Variants in NKAIN2 observed in about 807,000 individuals in gnomAD.
NKAIN2 encodes the protein sodium/potassium transporting ATPase interacting 2, also known as sodium/potassium-transporting ATPase subunit beta-1-interacting protein 2.
A neutral mutation model predicts 32.6 loss-of-function variants in NKAIN2; 14 were observed. The observed-to-expected ratio is 0.43, with a 90% CI of 0.28 to 0.67. The LOEUF is 0.67. Among genes scored for constraint, NKAIN2 ranks in the 30% least tolerant of loss-of-function variants. The pLI is 0.17. For missense variants in NKAIN2, 198 were observed against 258.3 expected (o/e 0.77, Z 1.60); for synonymous variants, 80 against 87.2 (o/e 0.92, Z 0.46).
chr6:123,804,855 A>G (rs1773150137), intron 1 of NKAIN2, among the ~76,000 whole-genome samples: 1 of 152,220 alleles, frequency 6.6e-6, no homozygotes, highest in Non-Finnish European at 1.5e-5. Context: ...TGAACTCAGC[A>G]ACACCATTGT....
rs540280610 is a variant in NKAIN2, at chr6:124,621,183, TC to T, written c.274-37001del. 3.3e-4 allele frequency among the ~76,000 whole-genome samples: 50 copies of T among 152,280 alleles called. 1 individual carries two copies. The South Asian group carries it at 9.1e-3, about 28-fold the overall frequency. On this transcript the variant is annotated intron_variant, in intron 3 of 6. Coordinates refer to ENST00000368417, the MANE Select transcript of NKAIN2 (RefSeq NM_001040214.3). Reference sequence around the variant, plus strand: ...GCTGTTTAGGTAATTCTAACATGTATCCAAGGTAGAAAAACCACTACTCTAA... The same window carrying T: ...GCTGTTTAGGTAATTCTAACATGTATCAAGGTAGAAAAACCACTACTCTAA...
chr6:124,293,699 A>C (rs2114954996), intron 2 of NKAIN2, among the ~76,000 whole-genome samples: 1 of 152,166 alleles, frequency 6.6e-6, no homozygotes, highest in East Asian at 1.9e-4. Flanking sequence ...TCATAGTTTT[A>C]TTTCAAATTC....
rs192924795 is a variant in NKAIN2 at position 124,414,065 on chromosome 6, A to G, written c.273+58718A>G. 1.4e-3 allele frequency among the ~76,000 whole-genome samples: 218 copies of G among 152,054 alleles called. 1 individual carries two copies. Among genetic ancestry groups the G allele is most frequent in the Non-Finnish European group, 5.6e-4 (38 of 67,960 alleles). On this transcript the variant is annotated intron_variant, in intron 3 of 6. Coordinates refer to ENST00000368417, the MANE Select transcript of NKAIN2 (RefSeq NM_001040214.3). ...TTGCACTAATTAGAACCTCAGTACA[A>G]TGCTGAATAAGAATGCTGAGAGTAG...
intron 3 of NKAIN2, among the ~76,000 whole-genome samples, chr6:124,650,740 C>A (rs1784340353): frequency 6.6e-6 from 1 of 152,152 alleles, no homozygotes; most frequent in African/African-American, 2.4e-5. Flanking sequence ...GTATTAAATT[C>A]ACATGCTTTT....
chr6:124,812,762 G>GC (rs1342136065), intron 5 of NKAIN2, among the ~76,000 whole-genome samples: 2 of 151,164 alleles, frequency 1.3e-5, no homozygotes, highest in Non-Finnish European at 3.0e-5. Context: ...GCAGCAATAT[G>GC]CCCCTGGCAA....
chr6:124,351,238 G>A (rs949879701), intron 2 of NKAIN2, among the ~76,000 whole-genome samples: 19 of 152,040 alleles, frequency 1.2e-4, no homozygotes, highest in Admixed American at 2.0e-4. Context: ...CAATATGATG[G>A]AACAATGTTT....
intron 6 of NKAIN2, among the ~76,000 whole-genome samples, chr6:124,821,266 G>A (rs1781383758): frequency 6.6e-6 from 1 of 150,732 alleles, no homozygotes; most frequent in African/African-American, 2.4e-5. Context: ...CTGCACTCCA[G>A]CCTGGTTAAC....
intron 1 of NKAIN2, among the ~76,000 whole-genome samples, chr6:123,881,602 A>G (rs765906643): frequency 3.9e-5 from 6 of 152,264 alleles, no homozygotes; most frequent in East Asian, 1.9e-4. Context: ...TTCTTAAGGA[A>G]CTGTTTTTAG....
chr6:124,202,028 A>G (rs1192950942), intron 1 of NKAIN2, among the ~76,000 whole-genome samples: 1 of 151,968 alleles, frequency 6.6e-6, no homozygotes, highest in Non-Finnish European at 1.5e-5. Context: ...GACTACCTGT[A>G]AAAGATATCT....
At chr6:124,793,848 C>T (rs1354209587) in intron 5 of NKAIN2, among the ~76,000 whole-genome samples, 1 of 152,022 alleles carries the variant, frequency 6.6e-6, no homozygotes, top group Non-Finnish European at 1.5e-5. Context: ...AGGCCAGATA[C>T]AGATCAAAGA....
intron 1 of NKAIN2, among the ~76,000 whole-genome samples, chr6:123,984,017 C>T: frequency 6.6e-6 from 1 of 152,130 alleles, no homozygotes; most frequent in East Asian, 1.9e-4. Flanking sequence ...AAGCGGTTCT[C>T]CTGCCTCAGC....
intron 1 of NKAIN2, among the ~76,000 whole-genome samples, chr6:124,149,303 A>AT (rs910905086): frequency 1.3e-5 from 2 of 151,984 alleles, no homozygotes; most frequent in African/African-American, 4.8e-5. Context: ...AATTTTATCC[A>AT]TTTTTTTCTT....
intron 1 of NKAIN2, among the ~76,000 whole-genome samples, chr6:123,902,452 GTA>G (rs1392411284): frequency 6.6e-6 from 1 of 152,124 alleles, no homozygotes; most frequent in Non-Finnish European, 1.5e-5. Flanking sequence ...AGCTACTTCA[GTA>G]TCTACATGTT....
chr6:124,382,453 T>C (rs528301050), intron 3 of NKAIN2, among the ~76,000 whole-genome samples: 3 of 152,334 alleles, frequency 2.0e-5, no homozygotes, highest in East Asian at 3.9e-4. Context: ...CTGTGTAATG[T>C]GTTCCTGGAT....
At chr6:124,601,786 G>C (rs922608878) in intron 3 of NKAIN2, among the ~76,000 whole-genome samples, 1 of 151,952 alleles carries the variant, frequency 6.6e-6, no homozygotes, top group Non-Finnish European at 1.5e-5. Context: ...TGATTCCTGG[G>C]TTGTAGAATT....
intron 1 of NKAIN2, among the ~76,000 whole-genome samples, chr6:124,146,313 A>G (rs887685292): frequency 3.9e-5 from 6 of 152,224 alleles, no homozygotes; most frequent in Non-Finnish European, 7.3e-5. Flanking sequence ...ATTAGAAAAA[A>G]TAATTTACTA....
chr6:123,806,204 C>T lies in NKAIN2; in HGVS notation c.54+1950C>T, dbSNP rs115111387. Reference sequence around the variant, plus strand: ...AAATTCTGAATTATAATTAAGTTCTCTAACAGAATAGACGTAGCTGTAATA... The same window carrying T: ...AAATTCTGAATTATAATTAAGTTCTTTAACAGAATAGACGTAGCTGTAATA... On this transcript the variant is annotated intron_variant, in intron 1 of 6. Transcript: ENST00000368417. Among the ~76,000 whole-genome samples, 994 of 152,200 alleles carry T rather than the reference C, an allele frequency of 6.5e-3. 8 individuals are homozygous for T. Among genetic ancestry groups the T allele is most frequent in the South Asian group, 0.023 (112 of 4,822 alleles).
intron 1 of NKAIN2, among the ~76,000 whole-genome samples, chr6:124,100,752 A>G (rs1784846293): frequency 6.6e-6 from 1 of 152,192 alleles, no homozygotes; most frequent in Non-Finnish European, 1.5e-5. Context: ...CAGGCTTCTA[A>G]TAGATGTGGG....
chr6:124,105,553 A>G (rs957952977), intron 1 of NKAIN2, among the ~76,000 whole-genome samples: 4 of 152,156 alleles, frequency 2.6e-5, no homozygotes, highest in African/African-American at 9.7e-5. Context: ...CATGTAAGAG[A>G]CTTCCATCTC....
Sources: allele counts gnomAD v4.1 joint callset (sites outside exome capture counted in the v4.1 genomes callset), GRCh38; gene constraint gnomAD v4.1.1; transcripts MANE v1.5; gene names NCBI Gene and HGNC (gene_info 2026-07-23, HGNC 2026-07-21).